The following CBLC variants were observed in gnomAD, a reference collection of about 807,000 sequenced individuals.
The protein encoded by CBLC is Cbl proto-oncogene C, also known as E3 ubiquitin-protein ligase CBL-C.
CBLC carries 46 observed loss-of-function variants against 58.6 expected under a neutral mutation model. The observed-to-expected ratio is 0.79, with a 90% CI of 0.62 to 1.00. The LOEUF is 1.00. Ranked by LOEUF, CBLC falls within the 50% of genes least tolerant of loss-of-function variation. The pLI is 0.00. For synonymous variants in CBLC, 271 were observed against 264.2 expected (o/e 1.03, Z -0.25); for missense variants, 655 against 625.8 (o/e 1.05, Z -0.50).
chr19:44,780,387 C>T (rs557398624), intron 1 of CBLC, among the ~76,000 whole-genome samples: 1 of 152,000 alleles, frequency 6.6e-6, no homozygotes, highest in South Asian at 2.1e-4. Context: ...CCACCCACCT[C>T]AGCCTCCCAG....
intron 1 of CBLC, among the ~76,000 whole-genome samples, chr19:44,780,547 A>C (rs546049706): frequency 8.9e-4 from 126 of 140,956 alleles, no homozygotes; most frequent in African/African-American, 3.1e-3. Context: ...ATCTCAGCTC[A>C]CTGCTACCTC....
intron 9 of CBLC, among the ~76,000 whole-genome samples, chr19:44,795,026 C>T (rs565186142): frequency 7.3e-5 from 11 of 150,472 alleles, no homozygotes; most frequent in South Asian, 4.2e-4. Flanking sequence ...GGCATAATCT[C>T]GGCTCACAGC....
rs1445083270 is a variant in CBLC at position 44,778,052 on chromosome 19, C to A, written c.121C>A (p.Pro41Thr). ...QCVDPRLSVS[P>T]PSLRDLLPRT... ...CGTCGACCCCCGGCTGTCCGTGAGT[C>A]CCCCTTCGCTGCGGGACCTGCTGCC... The change falls in exon 1 of 11, where the codon CCC (proline) becomes ACC (threonine). Residue 41 changes from proline to threonine, a missense_variant. Around this residue, in one of 3 missense-constraint regions of CBLC, gnomAD observed 280 missense variants for 237.2 expected, o/e 1.18. Coordinates refer to ENST00000647358, the MANE Select transcript of CBLC (RefSeq NM_012116.4). 4.4e-6 allele frequency: 7 copies of A among 1,609,046 alleles called. No individual in the cohort carries two copies. The highest frequency in any genetic ancestry group is 1.3e-5 in the African/African-American group (1 of 75,014).
chr19:44,782,548 G>A (rs199634180), intron 4 of CBLC, 57 bp downstream of exon 4: 1 of 1,447,166 alleles, frequency 6.9e-7, no homozygotes. Context: ...TCTGGGCTCT[G>A]GGCTGGTGCG....
intron 5 of CBLC, among the ~76,000 whole-genome samples, chr19:44,787,600 T>C (rs1384900523): frequency 6.6e-6 from 1 of 150,620 alleles, no homozygotes; most frequent in Non-Finnish European, 1.5e-5. Context: ...GCAGATCACC[T>C]GAAGTCAGGA....
intron 1 of CBLC, among the ~76,000 whole-genome samples, chr19:44,780,215 GC>G (rs990981521): frequency 2.0e-5 from 3 of 150,512 alleles, no homozygotes; most frequent in African/African-American, 7.3e-5. Context: ...ACTCACTGCA[GC>G]CTCTGCCTCC....
At chr19:44,779,633 C>T (rs1967668538) in intron 1 of CBLC, among the ~76,000 whole-genome samples, 1 of 151,222 alleles carries the variant, frequency 6.6e-6, no homozygotes, top group African/African-American at 2.4e-5. Flanking sequence ...CTCACTGCAG[C>T]CTCCAACTCC....
Position 44,791,858 on chromosome 19 carries a change from G to A in CBLC, c.1006-525G>A, listed in dbSNP as rs868707088. 2.1e-4 allele frequency among the ~76,000 whole-genome samples: 32 copies of A among 152,058 alleles called. 1 individual carries two copies. The highest frequency in any genetic ancestry group is 7.7e-4 in the African/African-American group (32 of 41,498). On this transcript the variant is annotated intron_variant, in intron 6 of 10. Transcript: ENST00000647358. ...TATTATTTTTTTTTTAAATAGAGAC[G>A]GGGTCTTACTATGCTGCCCACGCTG...
At chr19:44,790,135 G>A (rs1968010103) in intron 6 of CBLC, 44 bp downstream of exon 6, 1 of 1,469,456 alleles carries the variant, frequency 6.8e-7, no homozygotes, top group Non-Finnish European at 9.5e-7. Context: ...CCCTGACCCT[G>A]CCACCCCCAC....
intron 7 of CBLC, 90 bp from the exon 8 acceptor site, chr19:44,793,384 C>A: frequency 1.5e-6 from 2 of 1,373,162 alleles, no homozygotes; most frequent in Non-Finnish European, 1.9e-6. Context: ...TTCCCCACAT[C>A]AATCTTTTGG....
At chr19:44,788,689 A>C (rs1967972983) in intron 5 of CBLC, among the ~76,000 whole-genome samples, 1 of 151,154 alleles carries the variant, frequency 6.6e-6, no homozygotes, top group South Asian at 2.1e-4. Flanking sequence ...TTTTAGTAGA[A>C]ACGGGGTTTC....
intron 5 of CBLC, among the ~76,000 whole-genome samples, chr19:44,789,760 A>C (rs563377418): frequency 1.3e-5 from 2 of 152,206 alleles, no homozygotes; most frequent in Admixed American, 1.3e-4. Context: ...AGCTTGAGTC[A>C]CTGAGGTTTT....
Position 44,781,293 on chromosome 19 carries a change from C to T in CBLC, c.587C>T (p.Thr196Ile), listed in dbSNP as rs149481548. Residue 196 changes from threonine to isoleucine, a missense_variant, in exon 3 of 11, where the codon ACC becomes ATC. Thr to Ile is a moderately conservative substitution (Grantham distance 89). This residue lies in a region of CBLC where 371 missense variants were observed against 370.8 expected (regional missense o/e 1.00). Coordinates refer to ENST00000647358, the MANE Select transcript of CBLC (RefSeq NM_012116.4). Reference protein sequence around the residue: ...EPGCTALALRTTIDLTCSGHV... With the variant: ...EPGCTALALRITIDLTCSGHV... ...GGCTGCACAGCCCTGGCCTTGCGCACCACCATTGACCTCACCTGCAGCGGG... is the reference window on the plus strand; with the variant it reads ...GGCTGCACAGCCCTGGCCTTGCGCATCACCATTGACCTCACCTGCAGCGGG... 1.2e-6 allele frequency: 2 copies of T among 1,613,386 alleles called. No individual in the cohort carries two copies. Among genetic ancestry groups the T allele is most frequent in the African/African-American group, 1.3e-5 (1 of 74,846 alleles).
intron 5 of CBLC, among the ~76,000 whole-genome samples, chr19:44,788,120 G>C (rs993820317): frequency 1.3e-5 from 2 of 151,576 alleles, no homozygotes; most frequent in East Asian, 3.9e-4. Context: ...TCTTTTGGTG[G>C]TTCTTTTTTT....
chr19:44,789,485 C>A (rs771361306), intron 5 of CBLC, among the ~76,000 whole-genome samples: 1 of 151,854 alleles, frequency 6.6e-6, no homozygotes, highest in South Asian at 2.1e-4. Context: ...CTCACTGCAA[C>A]CTCTGCCTCC....
At chr19:44,782,342 C>T (rs1011407666) in intron 3 of CBLC, 28 bp from the exon 4 acceptor site, 4 of 1,612,996 alleles carry the variant, frequency 2.5e-6, no homozygotes, top group Non-Finnish European at 3.4e-6. Flanking sequence ...CCTGGTCGCT[C>T]CCTGACCCAA....
Position 44,777,925 on chromosome 19 carries a change from G to A in CBLC, c.-7G>A. The A allele has an allele frequency of 6.4e-7, 1 of 1,562,754 alleles. No individual in the cohort carries two copies. Among genetic ancestry groups the A allele is most frequent in the Non-Finnish European group, 8.6e-7 (1 of 1,160,466 alleles). On this transcript the variant is annotated 5_prime_UTR_variant, in exon 1 of 11. Transcript: ENST00000647358. ...CACCGGTCCTTCCCGGCACACGCGA[G>A]GCTCCCATGGCTCTGGCGGTGGCCC...
chr19:44,792,196 G>A (rs972766300), intron 6 of CBLC, among the ~76,000 whole-genome samples, 187 bp from the exon 7 acceptor site: 1 of 151,862 alleles, frequency 6.6e-6, no homozygotes, highest in African/African-American at 2.4e-5. Flanking sequence ...GTTTCAACAT[G>A]TTGACCAGGC....
intron 1 of CBLC, among the ~76,000 whole-genome samples, chr19:44,779,481 G>A (rs1967664343): frequency 6.6e-6 from 1 of 152,112 alleles, no homozygotes; most frequent in Middle Eastern, 3.4e-3. Flanking sequence ...GAGGTTTGGG[G>A]CCCAGAGCCC....
Sources: allele counts gnomAD v4.1 joint callset (sites outside exome capture counted in the v4.1 genomes callset), GRCh38; gene constraint gnomAD v4.1.1; regional missense constraint gnomAD v4.1.1; transcripts MANE v1.5; gene names NCBI Gene and HGNC (gene_info 2026-07-23, HGNC 2026-07-21).